TDRD12: variants seen among roughly 807,000 people sequenced by gnomAD.
TDRD12 encodes tudor domain containing 12.
Under a neutral mutation model 133.5 loss-of-function variants are expected in TDRD12, and 158 were observed. The ratio of observed to expected loss-of-function variants is 1.18; its 90% confidence interval spans 1.04 to 1.35. TDRD12 has a LOEUF of 1.35. TDRD12 is among the 40% of genes most tolerant of loss of function. The pLI is 0.00. For missense variants in TDRD12, 1,443 were observed against 1,321.3 expected, an observed-to-expected ratio of 1.09 and a Z score of -1.43; for synonymous variants, 460 against 477.9, an observed-to-expected ratio of 0.96 and a Z score of 0.49.
At chr19:32,802,996 G>C in exon 21 of TDRD12, 2 of 1,536,142 alleles carry the variant, frequency 1.3e-6, no homozygotes, top group Non-Finnish European at 1.7e-6. Flanking sequence ...CGAGCCATGC[G>C]GTGGGCGTCC....
In TDRD12 at chr19:32,798,321, T is replaced by TA; in HGVS notation, c.1645dup (p.Thr549AsnfsTer27). 1 of 1,533,918 alleles carries TA rather than the reference T, an allele frequency of 6.5e-7. No homozygotes were observed. The highest frequency in any genetic ancestry group is 8.7e-7 in the Non-Finnish European group (1 of 1,145,444). ...TTTTAAATGCAGGTGATGTGATTGT[T>TA]ACGACCCCATACAGCCTGCTGAGGC... On this transcript the variant is annotated frameshift_variant, in exon 16 of 28. Coordinates refer to ENST00000444215, the Ensembl canonical transcript of TDRD12. LOFTEE classifies it high-confidence loss of function.
exon 10 of TDRD12, chr19:32,828,917 G>A (rs1410271375): frequency 6.6e-6 from 1 of 152,260 alleles, no homozygotes; most frequent in East Asian, 1.9e-4. Flanking sequence ...CAGCTGCCGG[G>A]AGTGTGCCCA....
At chr19:32,814,910 A>G (rs1017407076) in intron 25 of TDRD12, among the ~76,000 whole-genome samples, 32 of 152,196 alleles carry the variant, frequency 2.1e-4, no homozygotes, top group African/African-American at 7.7e-4. Flanking sequence ...CCCCTCCTAT[A>G]CCCACACTGC....
At chr19:32,744,511 A>AAC (rs1555763914) in intron 4 of TDRD12, among the ~76,000 whole-genome samples, 4 of 147,722 alleles carry the variant, frequency 2.7e-5, no homozygotes, top group Non-Finnish European at 6.0e-5. Context: ...AAAAAAAAAA[A>AAC]AAAAAAAAAA....
intron 6 of TDRD12, 33 bp from the exon 7 acceptor site, chr19:32,755,959 C>T: frequency 7.2e-7 from 1 of 1,381,402 alleles, no homozygotes; most frequent in Non-Finnish European, 9.5e-7. Context: ...CTATATTTGT[C>T]TTATTAGTCA....
exon 25 of TDRD12, chr19:32,813,728 T>G (rs1967084408): frequency 1.3e-6 from 2 of 1,535,522 alleles, no homozygotes; most frequent in East Asian, 4.9e-5. Context: ...AATTGCATGA[T>G]GCAAAAGTGA....
rs566247022 is a variant in TDRD12 at position 32,790,866 on chromosome 19, A to G, written c.1183-98A>G. ...TAAGCATATATACCCAGGTGTTTAC[A>G]TTGAAATCTATATTTTCTTCATTTC... On this transcript the variant is annotated intron_variant, in intron 12 of 27. Transcript: ENST00000444215. The G allele has an allele frequency of 1.9e-5, 28 of 1,472,488 alleles. No individual in the cohort carries two copies. The African/African-American group carries it at 2.4e-4, about 13-fold the overall frequency. 91.2% of individuals were successfully genotyped at this position (1,472,488 alleles called of 1,614,324 possible). A position where few individuals can be genotyped will look rare whatever the true frequency, so the allele number is the denominator to read the frequency against.
chr19:32,783,363 G>A (rs543000894), intron 11 of TDRD12, among the ~76,000 whole-genome samples: 25 of 152,228 alleles, frequency 1.6e-4, no homozygotes, highest in Non-Finnish European at 3.4e-4. Flanking sequence ...TTTGGTTACC[G>A]TAGCCTTGTA....
rs1967245018 is a variant in TDRD12 at position 32,818,097 on chromosome 19, T to C, written c.3323T>C (p.Val1108Ala). The C allele has an allele frequency of 4.3e-6, 3 of 702,114 alleles. No individual in the cohort carries two copies. In the African/African-American group the frequency reaches 5.3e-5, roughly 12 times the overall value. 43.5% of individuals were successfully genotyped at this position (702,114 alleles called of 1,614,324 possible). Residue 1108 changes from valine (V) to alanine (A), a missense_variant, in exon 27 of 28, where the codon GTG becomes GCG. By Grantham distance (64) the Val-to-Ala change is moderately conservative (BLOSUM62 0). Coordinates refer to ENST00000444215, the Ensembl canonical transcript of TDRD12. ...TGCTCTGCTTTCTCCAGGCCGAGGGTGACAGGGACCAGTCCTGCTCAAGAC... is the reference window on the plus strand; with the variant it reads ...TGCTCTGCTTTCTCCAGGCCGAGGGCGACAGGGACCAGTCCTGCTCAAGAC...
Position 32,798,017 on chromosome 19 carries a change from C to G in TDRD12, c.1630+126C>G, listed in dbSNP as rs1199018467. The G allele has an allele frequency of 8.4e-6, 5 of 594,234 alleles. No homozygotes were observed. In the East Asian group the frequency reaches 1.4e-4, roughly 16 times the overall value. 36.8% of individuals were successfully genotyped at this position (594,234 alleles called of 1,614,324 possible). On this transcript the variant is annotated intron_variant, in intron 15 of 27. Transcript: ENST00000444215. The stretch of plus-strand genomic sequence containing the variant: ...CATGGCTTGTGTGATGACACACTCA[C>G]AGTCACTAGTCCAGACCTACTTGTC...
chr19:32,755,016 G>T (rs1969951500), intron 6 of TDRD12, among the ~76,000 whole-genome samples: 1 of 152,206 alleles, frequency 6.6e-6, no homozygotes, highest in Non-Finnish European at 1.5e-5. Flanking sequence ...AGCTCCCAAA[G>T]GTGGCAACAG....
intron 4 of TDRD12, among the ~76,000 whole-genome samples, chr19:32,745,774 ACT>A: frequency 1.2e-5 from 1 of 80,974 alleles, no homozygotes; most frequent in Non-Finnish European, 2.2e-5. Context: ...AGAGAGAGAG[ACT>A]GGCTGATGTC....
At chr19:32,768,672 C>A (rs1970364464) in intron 8 of TDRD12, among the ~76,000 whole-genome samples, 1 of 152,034 alleles carries the variant, frequency 6.6e-6, no homozygotes. Context: ...TGAGACCTTT[C>A]TTTGGCTTAC....
At chr19:32,779,792 G>T (rs1970708978) in intron 11 of TDRD12, among the ~76,000 whole-genome samples, 1 of 152,170 alleles carries the variant, frequency 6.6e-6, no homozygotes, top group Admixed American at 6.5e-5. Flanking sequence ...CTTTGACAAT[G>T]CAGCCATATG....
At chr19:32,802,712 C>G (rs909087724) in exon 20 of TDRD12, 4 of 1,536,272 alleles carry the variant, frequency 2.6e-6, no homozygotes, top group Non-Finnish European at 2.6e-6. Flanking sequence ...GTGTGTGATT[C>G]ACTTCAGTTT....
rs10644749 is a variant in TDRD12, at chr19:32,744,499, CAAAAAAAAAAAAAAAA to C, written c.440+1609_440+1624del. ...TGGGTGACAGAGTGAGACTCCGTCT[CAAAAAAAAAAAAAAAA>C]AAAAAAAAACAAAAGAATATAGATA... is the stretch of plus-strand genomic sequence containing the variant. On this transcript the variant is annotated intron_variant, in intron 4 of 27. Coordinates refer to ENST00000444215, the Ensembl canonical transcript of TDRD12. 1.7e-3 allele frequency among the ~76,000 whole-genome samples: 63 copies of C among 38,106 alleles called. 2 individuals are homozygous for C. The highest frequency in any genetic ancestry group is 6.5e-3 in the African/African-American group (63 of 9,628). The allele number at this position is 38,106 out of a possible 152,430, so 25.0% of individuals were successfully genotyped here. A position where few individuals can be genotyped will look rare whatever the true frequency, so the allele number is the denominator to read the frequency against.
intron 4 of TDRD12, among the ~76,000 whole-genome samples, chr19:32,746,309 GGA>G (rs1466427495): frequency 7.4e-5 from 10 of 135,510 alleles, no homozygotes; most frequent in African/African-American, 2.5e-4. Context: ...TGACAGAGGG[GGA>G]GAGAGACTGG....
intron 1 of TDRD12, among the ~76,000 whole-genome samples, chr19:32,720,756 A>C: frequency 3.4e-5 from 2 of 58,320 alleles, no homozygotes; most frequent in Admixed American, 2.1e-4. Context: ...CTCCACTCCC[A>C]CCTGCACCCC....
chr19:32,738,783 A>C, intron 2 of TDRD12, 73 bp from the exon 3 acceptor site: 4 of 1,486,926 alleles, frequency 2.7e-6, no homozygotes, highest in Non-Finnish European at 3.6e-6. Context: ...ACTGCACTCC[A>C]GCCTGGGCAA....
Sources: gnomAD v4.1 joint callset for allele counts (sites outside exome capture counted in the v4.1 genomes callset) on GRCh38, gnomAD v4.1.1 for gene constraint, MANE v1.5 for transcripts, NCBI Gene and HGNC (gene_info 2026-07-23, HGNC 2026-07-21) for gene names.